BRINP1: variants seen among roughly 807,000 people sequenced by gnomAD.
The protein encoded by BRINP1 is BMP/retinoic acid-inducible neural-specific protein 1.
In BRINP1, 17 loss-of-function variants were observed where a neutral mutation model predicts 72.9. The ratio of observed to expected loss-of-function variants is 0.23; its 90% CI spans 0.16 to 0.35. The LOEUF (loss-of-function observed/expected upper bound fraction) is 0.35. Ranked by LOEUF, BRINP1 falls within the 10% of genes least tolerant of loss-of-function variation. The probability of loss-of-function intolerance (pLI) is 1.00; values close to 1 mark genes in which losing one functional copy is unlikely to be tolerated. For missense variants in BRINP1, 850 were observed against 1,001.6 expected, an observed-to-expected ratio of 0.85 and a Z score of 2.04; for synonymous variants, 418 against 378.5, an observed-to-expected ratio of 1.10 and a Z score of -1.21.
At chr9:119,258,293 A>T (rs1830464982) in intron 2 of BRINP1, among the ~76,000 whole-genome samples, 1 of 152,178 alleles carries the variant, frequency 6.6e-6, no homozygotes, top group South Asian at 2.1e-4. Context: ...TTGAGAGGGA[A>T]AAATAGAAAC....
chr9:119,261,480 T>C (rs2118935164), intron 2 of BRINP1, among the ~76,000 whole-genome samples: 1 of 152,292 alleles, frequency 6.6e-6, no homozygotes, highest in South Asian at 2.1e-4. Flanking sequence ...CACTGAGAAA[T>C]GCCAGTTTCC....
chr9:119,331,262 G>A (rs903058742), intron 1 of BRINP1, among the ~76,000 whole-genome samples: 2 of 152,196 alleles, frequency 1.3e-5, no homozygotes, highest in African/African-American at 2.4e-5. Context: ...TTATCACTAT[G>A]AGGAGGAGCC....
At chr9:119,266,672 C>A (rs1356686885) in intron 2 of BRINP1, among the ~76,000 whole-genome samples, 2 of 152,190 alleles carry the variant, frequency 1.3e-5, no homozygotes, top group African/African-American at 4.8e-5. Flanking sequence ...TACCCTCAGT[C>A]TCTGGTAACC....
intron 2 of BRINP1, among the ~76,000 whole-genome samples, chr9:119,282,285 G>A (rs1463973367): frequency 6.6e-6 from 1 of 152,180 alleles, no homozygotes; most frequent in African/African-American, 2.4e-5. Flanking sequence ...ACAGAAAGTA[G>A]ATGAAATCCA....
chr9:119,323,050 T>C (rs539424997), intron 1 of BRINP1, among the ~76,000 whole-genome samples: 11 of 152,260 alleles, frequency 7.2e-5, no homozygotes, highest in African/African-American at 2.6e-4. Context: ...CTTACCCACA[T>C]CACAGCATGA....
intron 5 of BRINP1, among the ~76,000 whole-genome samples, chr9:119,236,097 C>G (rs1361835274): frequency 6.6e-6 from 1 of 152,128 alleles, no homozygotes; most frequent in Non-Finnish European, 1.5e-5. Flanking sequence ...TGCAAGGCAG[C>G]CTTTTAGATA....
chr9:119,303,690 C>T (rs1830964344), intron 2 of BRINP1, among the ~76,000 whole-genome samples: 1 of 151,970 alleles, frequency 6.6e-6, no homozygotes, highest in Non-Finnish European at 1.5e-5. Flanking sequence ...GGAGCAAATG[C>T]TACCTTCATA....
chr9:119,350,546 A>G (rs1169354940), intron 1 of BRINP1, among the ~76,000 whole-genome samples: 1 of 152,162 alleles, frequency 6.6e-6, no homozygotes, highest in Non-Finnish European at 1.5e-5. Context: ...CAGCTGGTGC[A>G]TATATATTTA....
intron 5 of BRINP1, among the ~76,000 whole-genome samples, chr9:119,229,077 T>G (rs1335905921): frequency 1.3e-5 from 2 of 152,110 alleles, no homozygotes; most frequent in African/African-American, 2.4e-5. Flanking sequence ...ATCCTCCACT[T>G]TGACTAACAC....
intron 5 of BRINP1, among the ~76,000 whole-genome samples, chr9:119,238,101 G>C (rs1034493790): frequency 6.6e-6 from 1 of 151,994 alleles, no homozygotes; most frequent in African/African-American, 2.4e-5. Context: ...ATATTATGTT[G>C]TATTAATGCA....
intron 2 of BRINP1, among the ~76,000 whole-genome samples, chr9:119,254,374 G>A (rs1830424533): frequency 1.3e-5 from 2 of 152,074 alleles, no homozygotes; most frequent in Admixed American, 6.5e-5. Flanking sequence ...CATTTGAGGA[G>A]ACACCTGAAG....
chr9:119,296,567 A>G (rs1830880209), intron 2 of BRINP1, among the ~76,000 whole-genome samples: 2 of 152,218 alleles, frequency 1.3e-5, no homozygotes, highest in South Asian at 4.1e-4. Flanking sequence ...CTGCATTCTC[A>G]TGTCCATTGC....
At chr9:119,340,728 C>A (rs149813125) in intron 1 of BRINP1, among the ~76,000 whole-genome samples, 1 of 152,148 alleles carries the variant, frequency 6.6e-6, no homozygotes, top group Non-Finnish European at 1.5e-5. Context: ...AATGCCCAAC[C>A]TATGATGGGG....
In BRINP1 at chr9:119,167,783, C is replaced by A. The variant is rs767822309; in HGVS notation, c.1587G>T (p.Lys529Asn). ...TGAAGTCCATGCGGTTCTTGTTGCT[C>A]TTGAGAGTGAGGGACATGCGCTTGC... ...RWRKRMSLTL[K>N]SNKNRMDFIH... Residue 529 changes from lysine (K) to asparagine (N), a missense_variant, in exon 8 of 8, where the codon AAG (lysine) becomes AAT (asparagine). Lys to Asn is a moderately conservative substitution (Grantham distance 94, BLOSUM62 0). Transcript: ENST00000265922. The surrounding 1 kb of genome is among the most constrained non-coding windows in gnomAD (Gnocchi z 4.3). 1 of 1,613,984 alleles carries A rather than the reference C, an allele frequency of 6.2e-7. No homozygotes were observed. The highest frequency in any genetic ancestry group is 1.7e-5 in the Admixed American group (1 of 59,982).
chr9:119,240,791 G>GC (rs1319376472), intron 4 of BRINP1, among the ~76,000 whole-genome samples: 1 of 152,062 alleles, frequency 6.6e-6, no homozygotes, highest in African/African-American at 2.4e-5. Context: ...TGACTCATCT[G>GC]CCAGCCTTGG....
chr9:119,301,852 G>A (rs527886712), intron 2 of BRINP1, among the ~76,000 whole-genome samples: 53 of 152,260 alleles, frequency 3.5e-4, no homozygotes, highest in Non-Finnish European at 6.6e-4. Flanking sequence ...ATCAACTGAT[G>A]CTACTTTATT....
intron 7 of BRINP1, among the ~76,000 whole-genome samples, chr9:119,181,589 A>T (rs756392363): frequency 5.9e-5 from 9 of 152,228 alleles, no homozygotes; most frequent in Non-Finnish European, 1.2e-4. Context: ...ACCATTACTA[A>T]CCATGATTGT....
At chr9:119,177,654 A>ACTC (rs1447853036) in intron 7 of BRINP1, among the ~76,000 whole-genome samples, 2 of 151,718 alleles carry the variant, frequency 1.3e-5, no homozygotes, top group Non-Finnish European at 2.9e-5. Context: ...CACAGCCCCC[A>ACTC]CTCCTTGAAT....
At chr9:119,223,657 C>T (rs1373167748) in intron 5 of BRINP1, among the ~76,000 whole-genome samples, 1 of 152,014 alleles carries the variant, frequency 6.6e-6, no homozygotes, top group Non-Finnish European at 1.5e-5. Context: ...TGAATGAAGG[C>T]AATTTTAGAC....
Sources: gnomAD v4.1 joint callset for allele counts (sites outside exome capture counted in the v4.1 genomes callset) on GRCh38, gnomAD v4.1.1 for gene constraint, Gnocchi (gnomAD v3.1) non-coding constraint, MANE v1.5 for transcripts, NCBI Gene and HGNC (gene_info 2026-07-23, HGNC 2026-07-21) for gene names.